Variants in KALRN observed in about 807,000 individuals in gnomAD.
The protein encoded by KALRN is kalirin.
Under a neutral mutation model 353.7 loss-of-function variants are expected in KALRN, and 70 were observed. The ratio of observed to expected loss-of-function variants is 0.20; its 90% CI spans 0.16 to 0.24. The LOEUF is 0.24. Ranked by LOEUF, KALRN falls within the 10% of genes least tolerant of loss-of-function variation. The pLI, the probability that KALRN is intolerant of heterozygous loss-of-function variation, is 1.00. For missense variants in KALRN, 2,791 were observed against 3,756.7 expected (o/e 0.74, Z 6.72); for synonymous variants, 1,391 against 1,434.8 (o/e 0.97, Z 0.69).
chr3:124,433,256 A>G (rs1447867103), intron 16 of KALRN, among the ~76,000 whole-genome samples: 1 of 152,056 alleles, frequency 6.6e-6, no homozygotes, highest in Non-Finnish European at 1.5e-5. Flanking sequence ...TAAAAAGTAA[A>G]AAAGTAAATA....
intron 13 of KALRN, among the ~76,000 whole-genome samples, chr3:124,411,045 G>A (rs1254244191): frequency 6.6e-6 from 1 of 152,144 alleles, no homozygotes; most frequent in Non-Finnish European, 1.5e-5. Context: ...CATACACACA[G>A]CAGCGTGGAT....
intron 1 of KALRN, among the ~76,000 whole-genome samples, chr3:124,154,215 C>G (rs1421170594): frequency 6.6e-6 from 1 of 152,180 alleles, no homozygotes; most frequent in African/African-American, 2.4e-5. Flanking sequence ...CAGGGATGCC[C>G]TCTCTCACCA....
At position 124,447,899 on chromosome 3, in the gene KALRN, G is replaced by A. The variant is rs563875295; in HGVS notation, c.3552+1014G>A. On this transcript the variant is annotated intron_variant, in intron 21 of 59. Transcript: ENST00000682506. ...TGCAAAAAGCTATGAGCACAGATAA[G>A]AGACTCATTTCAATACCAGTAAAAG... is the stretch of plus-strand genomic sequence containing the variant. 4.6e-5 allele frequency among the ~76,000 whole-genome samples: 7 copies of A among 152,342 alleles called. No homozygotes were observed. In the East Asian group the frequency reaches 1.2e-3, roughly 25 times the overall value.
chr3:124,403,438 G>A (rs1340192019), intron 13 of KALRN, among the ~76,000 whole-genome samples: 2 of 152,100 alleles, frequency 1.3e-5, no homozygotes, highest in Non-Finnish European at 2.9e-5. Flanking sequence ...TGAAAATATG[G>A]GCCACCTTTA....
chr3:124,681,405 C>T (rs2087754090), intron 51 of KALRN, among the ~76,000 whole-genome samples: 1 of 152,130 alleles, frequency 6.6e-6, no homozygotes, highest in Non-Finnish European at 1.5e-5. Context: ...TGAGCAAAGA[C>T]ATTAGAATAT....
intron 14 of KALRN, among the ~76,000 whole-genome samples, chr3:124,417,410 G>C (rs2092564831): frequency 6.6e-6 from 1 of 152,168 alleles, no homozygotes; most frequent in Non-Finnish European, 1.5e-5. Context: ...CCGTGCGACT[G>C]TTACACTTGA....
chr3:124,455,431 T>A (rs1443868283), intron 22 of KALRN, 72 bp downstream of exon 22: 1 of 1,431,102 alleles, frequency 7.0e-7, no homozygotes, highest in African/African-American at 1.4e-5. Flanking sequence ...CTCATCGCCA[T>A]GGAAGAAAAG....
At position 124,493,761 on chromosome 3, in the gene KALRN, G is replaced by T. The variant is rs139457613; in HGVS notation, c.4832+879G>T. The stretch of plus-strand genomic sequence containing the variant: ...CAGCAGCATTGGTCCTGAGTGAGGT[G>T]GTAGCCAAAAGAAGGGTGTGACTAT... On this transcript the variant is annotated intron_variant, in intron 32 of 59. Coordinates refer to ENST00000682506, the MANE Select transcript of KALRN (RefSeq NM_001388419.1). 3.0e-3 allele frequency among the ~76,000 whole-genome samples: 456 copies of T among 152,302 alleles called. 2 individuals are homozygous for T. The highest frequency in any genetic ancestry group is 0.01 in the African/African-American group (436 of 41,564).
intron 33 of KALRN, among the ~76,000 whole-genome samples, chr3:124,545,952 A>C (rs190646569): frequency 6.6e-5 from 10 of 152,282 alleles, no homozygotes; most frequent in Non-Finnish European, 1.3e-4. Context: ...GAAAGCAGAG[A>C]TCACACATAG....
At chr3:124,437,162 G>A (rs1177998115) in intron 17 of KALRN, among the ~76,000 whole-genome samples, 2 of 151,518 alleles carry the variant, frequency 1.3e-5, no homozygotes, top group African/African-American at 4.8e-5. Context: ...CTCAAGATTG[G>A]TGACAGATCT....
In KALRN at chr3:124,146,874, C is replaced by CAA. The variant is rs34633708; in HGVS notation, c.74-81097_74-81096dup. 6.2e-3 allele frequency among the ~76,000 whole-genome samples: 311 copies of CAA among 49,920 alleles called. 20 individuals are homozygous for CAA. The highest frequency in any genetic ancestry group is 0.022 in the African/African-American group (281 of 12,744). 32.7% of individuals were successfully genotyped at this position (49,920 alleles called of 152,430 possible). On this transcript the variant is annotated intron_variant, in intron 1 of 59. Transcript: ENST00000682506. ...CCTGGGCAATAGAGCGACTCTGTCTCAAAAAAAAAAAAAAAAAAAAGAAAA... is the reference window on the plus strand; with the variant it reads ...CCTGGGCAATAGAGCGACTCTGTCTCAAAAAAAAAAAAAAAAAAAAAAGAAAA...
At chr3:124,554,063 G>A (rs1287153734) in intron 33 of KALRN, among the ~76,000 whole-genome samples, 1 of 152,252 alleles carries the variant, frequency 6.6e-6, no homozygotes, top group Admixed American at 6.5e-5. Context: ...CAGAGATAAA[G>A]AACAGGCACA....
At chr3:124,571,085 C>A (rs1031419858) in intron 34 of KALRN, among the ~76,000 whole-genome samples, 10 of 152,182 alleles carry the variant, frequency 6.6e-5, no homozygotes, top group Non-Finnish European at 1.3e-4. Context: ...CGTCCGAGCC[C>A]CGAGTGTAAA....
chr3:124,418,525 G>A (rs528461643), intron 14 of KALRN, among the ~76,000 whole-genome samples: 1 of 152,282 alleles, frequency 6.6e-6, no homozygotes, highest in African/African-American at 2.4e-5. Context: ...AAAGAGAAAA[G>A]ATGTTCTGTA....
intron 33 of KALRN, among the ~76,000 whole-genome samples, chr3:124,525,202 A>G (rs917528878): frequency 1.3e-5 from 2 of 152,216 alleles, no homozygotes; most frequent in African/African-American, 4.8e-5. Context: ...GTGGACATGG[A>G]TAATGGTAGC....
chr3:124,462,500 G>A, intron 24 of KALRN, 24 bp from the exon 25 acceptor site: 1 of 1,389,066 alleles, frequency 7.2e-7, no homozygotes, highest in Non-Finnish European at 1.0e-6. Flanking sequence ...ACTTGCCAGT[G>A]ATGAAACTGT....
At chr3:124,044,989 A>C (rs1225598633) in intron 1 of KALRN, among the ~76,000 whole-genome samples, 1 of 151,300 alleles carries the variant, frequency 6.6e-6, no homozygotes, top group Non-Finnish European at 1.5e-5. Flanking sequence ...ACTTGCAGTT[A>C]CAATTATTCC....
At chr3:124,406,401 C>A (rs1294558015) in intron 13 of KALRN, among the ~76,000 whole-genome samples, 1 of 152,100 alleles carries the variant, frequency 6.6e-6, no homozygotes, top group Non-Finnish European at 1.5e-5. Flanking sequence ...ATCGTGGTAA[C>A]CTATATCAAA....
chr3:124,517,674 C>T (rs145770438), intron 33 of KALRN, among the ~76,000 whole-genome samples: 59 of 152,254 alleles, frequency 3.9e-4, no homozygotes, highest in African/African-American at 1.4e-3. Context: ...GCTCCCCACT[C>T]GTTCACTCTC....
Sources: gnomAD v4.1 joint callset for allele counts (sites outside exome capture counted in the v4.1 genomes callset) on GRCh38, gnomAD v4.1.1 for gene constraint, MANE v1.5 for transcripts, NCBI Gene and HGNC (gene_info 2026-07-23, HGNC 2026-07-21) for gene names.